SERF2: variants seen among roughly 807,000 people sequenced by gnomAD.
The protein encoded by SERF2 is small EDRK-rich factor 2.
In SERF2, 4 loss-of-function variants were observed where a neutral mutation model predicts 10.7. The observed-to-expected ratio is 0.37, with a 90% CI of 0.18 to 0.86. The LOEUF (loss-of-function observed/expected upper bound fraction) is 0.86, where lower values mean the gene tolerates loss of function less well. Among genes scored for constraint, SERF2 ranks in the 40% least tolerant of loss-of-function variants. The probability of loss-of-function intolerance (pLI) is 0.43; values close to 1 mark genes in which losing one functional copy is unlikely to be tolerated. For missense variants in SERF2, 47 were observed against 79.1 expected (o/e 0.59, Z 1.54); for synonymous variants, 26 against 26.0 (o/e 1.00, Z 0.01).
intron 1 of SERF2, among the ~76,000 whole-genome samples, chr15:43,784,981 G>A (rs1304808356): frequency 7.4e-6 from 1 of 135,744 alleles, no homozygotes; most frequent in Non-Finnish European, 1.6e-5. Context: ...TTGAACTCAT[G>A]ACCTCAGGTG....
chr15:43,793,568 T>C (rs755840262), intron 2 of SERF2, 142 bp from the exon 3 acceptor site: 203 of 1,532,698 alleles, frequency 1.3e-4, no homozygotes, highest in Middle Eastern at 3.5e-4. Flanking sequence ...TTCCTCTTGT[T>C]CTCCTAGGGT....
chr15:43,777,150 T>C (rs1349332692), exon 1 of SERF2: 16 of 684,540 alleles, frequency 2.3e-5, no homozygotes, highest in Non-Finnish European at 4.1e-5. Flanking sequence ...CATGAATCGC[T>C]TTGGGCTATC....
intron 2 of SERF2, among the ~76,000 whole-genome samples, chr15:43,786,171 T>A (rs1419034482): frequency 1.3e-5 from 2 of 151,810 alleles, no homozygotes; most frequent in Non-Finnish European, 2.9e-5. Context: ...ATCCCAGCAC[T>A]TTGGGAGGCT....
upstream of SERF2, among the ~76,000 whole-genome samples, chr15:43,789,952 C>G (rs995059370): frequency 2.6e-5 from 4 of 152,026 alleles, no homozygotes; most frequent in African/African-American, 9.7e-5. Context: ...ACCAGCCTGA[C>G]CAACATGGTT....
rs966267118 is a variant in SERF2, at chr15:43,795,771, A to G, written c.*1998A>G. ...AGAACGCAGGTTTTGGAATGGTCTT[A>G]AAAGATGTGAGGGTGTTAATCTAGG... is the stretch of plus-strand genomic sequence containing the variant. On this transcript the variant is annotated 3_prime_UTR_variant, in exon 3 of 3. Coordinates refer to ENST00000249786, the MANE Select transcript of SERF2 (RefSeq NM_001018108.4). The G allele has an allele frequency of 2.5e-6, 4 of 1,605,214 alleles. No individual in the cohort carries two copies. The African/African-American group carries it at 4.0e-5, about 16-fold the overall frequency.
In SERF2 at chr15:43,793,270, G is replaced by A. The variant is rs954494432; in HGVS notation, c.116+187G>A. 5.2e-6 allele frequency: 3 copies of A among 579,996 alleles called. No homozygotes were observed. In the African/African-American group the frequency reaches 5.6e-5, roughly 11 times the overall value. 35.9% of individuals were successfully genotyped at this position (579,996 alleles called of 1,614,324 possible). A position where few individuals can be genotyped will look rare whatever the true frequency, so the allele number is the denominator to read the frequency against. ...GTTAGCTCACAGCCTTACAGGAAAG[G>A]ACGGGGGCGGGCGCCTGCCCTCAGT... On this transcript the variant is annotated intron_variant, in intron 2 of 2. Coordinates refer to ENST00000249786, the MANE Select transcript of SERF2 (RefSeq NM_001018108.4).
chr15:43,785,689 C>T (rs1201975695), intron 2 of SERF2, among the ~76,000 whole-genome samples: 1 of 149,004 alleles, frequency 6.7e-6, no homozygotes, highest in Non-Finnish European at 1.5e-5. Flanking sequence ...TCCTCTGGGA[C>T]TGAATTTTCT....
upstream of SERF2, chr15:43,792,060 G>A: frequency 2.0e-6 from 1 of 497,456 alleles, no homozygotes; most frequent in Non-Finnish European, 3.7e-6. Context: ...GCGCCACATC[G>A]CCAGCCGCAC....
rs1001688292 is a variant in SERF2, at chr15:43,793,408, G to T, written c.117-302G>T. 5.9e-5 allele frequency: 39 copies of T among 666,542 alleles called. No homozygotes were observed. The African/African-American group carries it at 6.7e-4, about 11-fold the overall frequency. 41.3% of individuals were successfully genotyped at this position (666,542 alleles called of 1,614,324 possible). ...GTACTTTTGGCCCTCCTTGCTGTTC[G>T]GTTCTCCTCCCTTCTCCCAACCTCC... On this transcript the variant is annotated intron_variant, in intron 2 of 2. Coordinates refer to ENST00000249786, the MANE Select transcript of SERF2 (RefSeq NM_001018108.4).
chr15:43,787,647 C>T (rs1295041111), upstream of SERF2, among the ~76,000 whole-genome samples: 2 of 151,994 alleles, frequency 1.3e-5, no homozygotes, highest in Non-Finnish European at 2.9e-5. Context: ...GTCTGCCCAC[C>T]TCAGCCTCCC....
chr15:43,787,796 T>C (rs530112474), upstream of SERF2, among the ~76,000 whole-genome samples: 4 of 151,382 alleles, frequency 2.6e-5, no homozygotes, highest in South Asian at 8.3e-4. Context: ...CCTCCTGAGC[T>C]CAAGCCATCC....
intron 1 of SERF2, among the ~76,000 whole-genome samples, chr15:43,780,840 T>C (rs1487045494): frequency 6.6e-6 from 1 of 152,198 alleles, no homozygotes; most frequent in Non-Finnish European, 1.5e-5. Context: ...TTTTGCAGTT[T>C]GAGGTGCAAC....
At position 43,793,812 on chromosome 15, in the gene SERF2, G is replaced by A; in HGVS notation, c.*39G>A. 6.2e-7 allele frequency: 1 copy of A among 1,614,194 alleles called. No homozygotes were observed. Among genetic ancestry groups the A allele is most frequent in the South Asian group, 1.1e-5 (1 of 91,082 alleles). ...TGTCCAACCCTCTTGCCCTTCGCCT[G>A]TGTGCCTGGAGCCAGTCCCACCACG... On this transcript the variant is annotated 3_prime_UTR_variant, in exon 3 of 3. Transcript: ENST00000249786.
rs778859490 is a variant in SERF2 at position 43,795,755 on chromosome 15, G to GT, written c.*1986dup. On this transcript the variant is annotated 3_prime_UTR_variant, in exon 3 of 3. Transcript: ENST00000249786. Reference sequence around the variant, plus strand: ...AGGGCTTCTGCAAAACAGAACGCAGGTTTTGGAATGGTCTTAAAAGATGTG... The same window carrying GT: ...AGGGCTTCTGCAAAACAGAACGCAGGTTTTTGGAATGGTCTTAAAAGATGTG... The GT allele has an allele frequency of 7.3e-5, 117 of 1,612,510 alleles. No individual in the cohort carries two copies. The highest frequency in any genetic ancestry group is 3.3e-4 in the Middle Eastern group (2 of 6,078).
At chr15:43,790,473 C>A (rs751016857), upstream of SERF2, among the ~76,000 whole-genome samples, 2 of 151,938 alleles carry the variant, frequency 1.3e-5, no homozygotes, top group Non-Finnish European at 2.9e-5. Context: ...TCAAGATATA[C>A]CCAATTGTGG....
chr15:43,794,951 C>T lies in SERF2; in HGVS notation c.*1178C>T, dbSNP rs1201902025. ...GCTGGGCTGGACAGCTCCCCTTGAGCCAACTCTAGGAGTACAATGTCAGGG... is the reference window on the plus strand; with the variant it reads ...GCTGGGCTGGACAGCTCCCCTTGAGTCAACTCTAGGAGTACAATGTCAGGG... On this transcript the variant is annotated 3_prime_UTR_variant, in exon 3 of 3. Coordinates refer to ENST00000249786, the MANE Select transcript of SERF2 (RefSeq NM_001018108.4). 2.7e-6 allele frequency: 4 copies of T among 1,468,032 alleles called. No individual in the cohort carries two copies. Among genetic ancestry groups the T allele is most frequent in the Non-Finnish European group, 3.7e-6 (4 of 1,073,766 alleles). The allele number at this position is 1,468,032 out of a possible 1,614,324, so 90.9% of individuals were successfully genotyped here.
rs1233831364 is a variant in SERF2, at chr15:43,794,750, T to A, written c.*977T>A. On this transcript the variant is annotated 3_prime_UTR_variant, in exon 3 of 3. Coordinates refer to ENST00000249786, the MANE Select transcript of SERF2 (RefSeq NM_001018108.4). ...TGTCTGCTGGGATCAGCGGTGGTTCTTTGAGCTGCTGATTTGGGTGTTAGG... is the reference window on the plus strand; with the variant it reads ...TGTCTGCTGGGATCAGCGGTGGTTCATTGAGCTGCTGATTTGGGTGTTAGG... 16 of 462,982 alleles carry A rather than the reference T, an allele frequency of 3.5e-5. No individual in the cohort carries two copies. Among genetic ancestry groups the A allele is most frequent in the Non-Finnish European group, 6.2e-5 (16 of 257,046 alleles). The allele number at this position is 462,982 out of a possible 1,614,324, so 28.7% of individuals were successfully genotyped here. A position where few individuals can be genotyped will look rare whatever the true frequency, so the allele number is the denominator to read the frequency against.
Position 43,794,108 on chromosome 15 carries a change from C to G in SERF2, c.*335C>G. 6.2e-6 allele frequency: 5 copies of G among 806,546 alleles called. 1 individual carries two copies. The South Asian group carries it at 9.8e-5, about 16-fold the overall frequency. 50.0% of individuals were successfully genotyped at this position (806,546 alleles called of 1,614,324 possible). On this transcript the variant is annotated 3_prime_UTR_variant, in exon 3 of 3. Transcript: ENST00000249786. Reference sequence around the variant, plus strand: ...GGGGTTGGAAGAATGACTGCCCTTTCCCACCAAAAAAGGGAGAACTCTTTA... The same window carrying G: ...GGGGTTGGAAGAATGACTGCCCTTTGCCACCAAAAAAGGGAGAACTCTTTA...
chr15:43,779,075 C>A (rs1333964367), intron 1 of SERF2, among the ~76,000 whole-genome samples: 1 of 152,248 alleles, frequency 6.6e-6, no homozygotes, highest in East Asian at 1.9e-4. Context: ...TGCAGTAGTG[C>A]CCTTGAATAG....
Sources: allele counts gnomAD v4.1 joint callset (sites outside exome capture counted in the v4.1 genomes callset), GRCh38; gene constraint gnomAD v4.1.1; transcripts MANE v1.5; gene names NCBI Gene and HGNC (gene_info 2026-07-23, HGNC 2026-07-21).